Variants in CADM2 observed in about 807,000 individuals in gnomAD.
The protein encoded by CADM2 is immunoglobulin superfamily member 4D.
A neutral mutation model predicts 49.8 loss-of-function variants in CADM2; 12 were observed. That is an observed-to-expected ratio of 0.24 (90% CI 0.15 to 0.39). CADM2 has a LOEUF of 0.39. CADM2 is among the 10% of genes least tolerant of loss of function. CADM2 has a pLI of 1.00. For missense variants in CADM2, 378 were observed against 492.3 expected (o/e 0.77, Z 2.20); for synonymous variants, 214 against 175.4 (o/e 1.22, Z -1.74).
intron 1 of CADM2, among the ~76,000 whole-genome samples, chr3:84,991,365 G>C (rs1439315232): frequency 6.6e-6 from 1 of 152,004 alleles, no homozygotes; most frequent in Non-Finnish European, 1.5e-5. Context: ...ATGAGCTGGG[G>C]GCAAAATTGT....
At chr3:85,608,739 A>G (rs1012002808) in intron 1 of CADM2, among the ~76,000 whole-genome samples, 2 of 152,150 alleles carry the variant, frequency 1.3e-5, no homozygotes, top group African/African-American at 2.4e-5. Flanking sequence ...CTATCTTATC[A>G]CTAAGATTTC....
intron 8 of CADM2, among the ~76,000 whole-genome samples, chr3:86,024,783 G>A (rs1183158410): frequency 6.6e-6 from 1 of 151,930 alleles, no homozygotes; most frequent in East Asian, 1.9e-4. Flanking sequence ...TAAAAATGAA[G>A]GATGCTCTAT....
In CADM2 at chr3:85,786,027, G is replaced by A. The variant is rs192963874; in HGVS notation, c.89-16020G>A. 2.5e-3 allele frequency among the ~76,000 whole-genome samples: 373 copies of A among 152,176 alleles called. 1 individual carries two copies. The highest frequency in any genetic ancestry group is 8.7e-3 in the African/African-American group (362 of 41,544). ...TCCGGATACTAGAGGAAAGGTCAAT[G>A]ATTCGTTATTAGCCCTTTCCTCCCA... On this transcript the variant is annotated intron_variant, in intron 2 of 9. Coordinates refer to ENST00000383699, the MANE Select transcript of CADM2 (RefSeq NM_001167675.2).
chr3:85,897,260 TTTTTTTTTTTTTTTTTTTTTG>T (rs1405170231), intron 5 of CADM2, among the ~76,000 whole-genome samples: 1 of 88,870 alleles, frequency 1.1e-5, no homozygotes, highest in African/African-American at 6.5e-5. Flanking sequence ...TTTTTTTTTT[TTTTTTTTTTTTTTTTTTTTTG>T]AGACGGAGTC....
intron 1 of CADM2, among the ~76,000 whole-genome samples, chr3:85,349,511 A>G (rs934061923): frequency 1.3e-5 from 2 of 152,074 alleles, no homozygotes; most frequent in Admixed American, 1.3e-4. Flanking sequence ...CTTCCCTAAC[A>G]ATTTTTACTT....
chr3:85,987,319 C>T (rs927902761), intron 8 of CADM2, among the ~76,000 whole-genome samples: 12 of 151,772 alleles, frequency 7.9e-5, no homozygotes, highest in African/African-American at 2.9e-4. Context: ...TTATTTATTT[C>T]TTCAGCTTCC....
At chr3:86,004,062 T>C (rs74681969) in intron 8 of CADM2, among the ~76,000 whole-genome samples, 4,362 of 152,170 alleles carry the variant, frequency 0.029, 117 homozygotes, top group African/African-American at 0.065. Context: ...ATAAGGAGTA[T>C]TGATATTCTT....
At position 86,042,705 on chromosome 3, in the gene CADM2, G is replaced by A. The variant is rs1473646666; in HGVS notation, c.971-22900G>A. Among the ~76,000 whole-genome samples, 7 of 152,246 alleles carry A rather than the reference G, an allele frequency of 4.6e-5. No individual in the cohort carries two copies. The East Asian group carries it at 9.7e-4, about 21-fold the overall frequency. On this transcript the variant is annotated intron_variant, in intron 8 of 9. Coordinates refer to ENST00000383699, the MANE Select transcript of CADM2 (RefSeq NM_001167675.2). The stretch of plus-strand genomic sequence containing the variant: ...AACTATTCCAATCAATAGAAAAAGA[G>A]GGAATCCTCCCTAACTCATTTTATG...
chr3:85,449,052 A>AAATAATAAT (rs55971962), intron 1 of CADM2, among the ~76,000 whole-genome samples: 3,324 of 107,400 alleles, frequency 0.031, 72 homozygotes, highest in African/African-American at 0.051. Flanking sequence ...TCCAACTCAA[A>AAATAATAAT]AATAATAATA....
intron 1 of CADM2, among the ~76,000 whole-genome samples, chr3:85,476,900 ACACAC>A (rs2038998143): frequency 6.7e-5 from 1 of 15,022 alleles, no homozygotes; most frequent in Non-Finnish European, 6.9e-4. Flanking sequence ...GATTTTAAAC[ACACAC>A]ACACACACAC....
chr3:85,179,881 C>T (rs558832140), intron 1 of CADM2, among the ~76,000 whole-genome samples: 65 of 152,192 alleles, frequency 4.3e-4, no homozygotes, highest in Middle Eastern at 3.4e-3. Flanking sequence ...CACAAGTGCA[C>T]CCTCATTTAT....
Position 85,600,621 on chromosome 3 carries a change from T to C in CADM2, c.62-125901T>C, listed in dbSNP as rs2063363672. ...TGCTGAAACAAGGAAGTTTTCTAAA[T>C]GCCTCGTGATTCACAGTATGCTTTT... On this transcript the variant is annotated intron_variant, in intron 1 of 9. Coordinates refer to ENST00000383699, the MANE Select transcript of CADM2 (RefSeq NM_001167675.2). Among the ~76,000 whole-genome samples the C allele has an allele frequency of 5.3e-5, 8 of 151,782 alleles. No individual in the cohort carries two copies. The Admixed American group carries it at 5.3e-4, about 10-fold the overall frequency.
chr3:85,537,695 A>G (rs2061456175), intron 1 of CADM2, among the ~76,000 whole-genome samples: 1 of 152,066 alleles, frequency 6.6e-6, no homozygotes, highest in Admixed American at 6.6e-5. Flanking sequence ...AGATTTGTGT[A>G]AAATAACTAC....
chr3:85,351,363 T>G (rs570816743), intron 1 of CADM2, among the ~76,000 whole-genome samples: 4 of 152,156 alleles, frequency 2.6e-5, no homozygotes, highest in Non-Finnish European at 4.4e-5. Flanking sequence ...TAAAAGGATA[T>G]CACATCAAAA....
intron 1 of CADM2, among the ~76,000 whole-genome samples, chr3:85,041,571 T>A (rs561844875): frequency 6.6e-6 from 1 of 152,324 alleles, no homozygotes; most frequent in East Asian, 1.9e-4. Flanking sequence ...TTCTGTTTTG[T>A]CTTCCAGGTA....
chr3:85,343,155 GCACGATGTACAGCACAGCCTCC>G (rs1175860675), intron 1 of CADM2, among the ~76,000 whole-genome samples: 2 of 152,092 alleles, frequency 1.3e-5, no homozygotes, highest in African/African-American at 4.8e-5. Flanking sequence ...GTTACACATT[GCACGATGTACAGCACAGCCTCC>G]CACGAGAATT....
chr3:85,930,283 A>G (rs1224598207), intron 6 of CADM2, among the ~76,000 whole-genome samples: 1 of 152,150 alleles, frequency 6.6e-6, no homozygotes. Flanking sequence ...AGTGTGCAAT[A>G]TACATTTAAA....
chr3:85,813,704 T>G (rs1042774583), intron 3 of CADM2, among the ~76,000 whole-genome samples: 1 of 152,184 alleles, frequency 6.6e-6, no homozygotes, highest in Non-Finnish European at 1.5e-5. Context: ...TCATCTTGAG[T>G]TGTTTTTTGT....
At chr3:85,795,637 T>G (rs115306155) in intron 2 of CADM2, among the ~76,000 whole-genome samples, 484 of 152,306 alleles carry the variant, frequency 3.2e-3, no homozygotes, top group African/African-American at 0.011. Context: ...AAACATTAGT[T>G]TCTTTCTTCT....
Sources: allele counts gnomAD v4.1 joint callset (sites outside exome capture counted in the v4.1 genomes callset), GRCh38; gene constraint gnomAD v4.1.1; transcripts MANE v1.5; gene names NCBI Gene and HGNC (gene_info 2026-07-23, HGNC 2026-07-21).